Variants in NAALADL2 observed in about 807,000 individuals in gnomAD.
NAALADL2 encodes N-acetylated alpha-linked acidic dipeptidase like 2.
Under a neutral mutation model 87.2 loss-of-function variants are expected in NAALADL2, and 76 were observed. The ratio of observed to expected loss-of-function variants is 0.87; its 90% CI spans 0.72 to 1.05. The LOEUF (loss-of-function observed/expected upper bound fraction) is 1.05, where lower values mean the gene tolerates loss of function less well. NAALADL2 is among the 50% of genes least tolerant of loss of function. NAALADL2 has a pLI of 0.00. For synonymous variants in NAALADL2, 354 were observed against 331.0 expected, an observed-to-expected ratio of 1.07 and a Z score of -0.75; for missense variants, 1,089 against 945.8, an observed-to-expected ratio of 1.15 and a Z score of -1.99.
intron 11 of NAALADL2, chr3:175,718,224 G>GTTTTT: frequency 2.1e-5 from 4 of 191,550 alleles, no homozygotes; most frequent in South Asian, 1.2e-4. Context: ...TTTTTTTTTT[G>GTTTTT]ATTAGTTGCT....
At position 174,622,920 on chromosome 3, in the gene NAALADL2, A is replaced by G. The variant is rs370963389; in HGVS notation, c.-115+72283A>G. ...TAGCCAGGCGTGGTGGCAGGCACCTATAGTCCCAGCAACTGGGGAGGCTGA... is the reference window on the plus strand; with the variant it reads ...TAGCCAGGCGTGGTGGCAGGCACCTGTAGTCCCAGCAACTGGGGAGGCTGA... On this transcript the variant is annotated intron_variant, in intron 2 of 3. Transcript: ENST00000434257. Among the ~76,000 whole-genome samples the G allele has an allele frequency of 1.4e-3, 214 of 152,220 alleles. 1 individual carries two copies. The highest frequency in any genetic ancestry group is 4.8e-3 in the African/African-American group (198 of 41,554).
intron 1 of NAALADL2, among the ~76,000 whole-genome samples, chr3:174,462,784 G>C (rs1553769397): frequency 1.3e-5 from 2 of 152,180 alleles, no homozygotes; most frequent in Non-Finnish European, 2.9e-5. Flanking sequence ...ATGTTAATAA[G>C]AGTTAGAATT....
At chr3:175,214,501 A>C (rs1187360679) in intron 2 of NAALADL2, among the ~76,000 whole-genome samples, 1 of 152,100 alleles carries the variant, frequency 6.6e-6, no homozygotes, top group Non-Finnish European at 1.5e-5. Flanking sequence ...ATTTTGATAG[A>C]TCTATTCATG....
chr3:175,585,696 A>G (rs760021088), intron 10 of NAALADL2, among the ~76,000 whole-genome samples: 15 of 152,292 alleles, frequency 9.8e-5, no homozygotes, highest in Admixed American at 6.5e-4. Flanking sequence ...TGATAAAATC[A>G]ACCTACTCTA....
intron 9 of NAALADL2, among the ~76,000 whole-genome samples, chr3:175,559,161 A>T (rs1442165828): frequency 6.6e-6 from 1 of 152,010 alleles, no homozygotes; most frequent in Non-Finnish European, 1.5e-5. Flanking sequence ...ATAATAATTC[A>T]CAGATATTAA....
chr3:174,887,947 C>A (rs1441709285), intron 1 of NAALADL2, among the ~76,000 whole-genome samples: 3 of 151,666 alleles, frequency 2.0e-5, no homozygotes, highest in Non-Finnish European at 4.4e-5. Flanking sequence ...GAGATTATAT[C>A]AGCTGATGAT....
intron 3 of NAALADL2, among the ~76,000 whole-genome samples, chr3:174,798,081 G>C (rs983043626): frequency 6.6e-6 from 1 of 152,118 alleles, no homozygotes; most frequent in African/African-American, 2.4e-5. Context: ...TGCGGATATT[G>C]TTCCAGCAGA....
intron 2 of NAALADL2, chr3:174,550,676 C>A (rs1712016313): frequency 6.6e-6 from 1 of 151,820 alleles, no homozygotes; most frequent in Admixed American, 6.6e-5. Flanking sequence ...AGGATAAAGG[C>A]AGAGATTCAA....
chr3:174,478,723 G>GT (rs1404029047), intron 1 of NAALADL2, among the ~76,000 whole-genome samples: 1 of 151,874 alleles, frequency 6.6e-6, no homozygotes, highest in East Asian at 1.9e-4. Flanking sequence ...GTTTTGTTTT[G>GT]TTTTTTGAGA....
Position 175,627,308 on chromosome 3 carries a change from C to G in NAALADL2, c.1818C>G (p.Ser606=). The change falls in exon 11 of 14, where the codon TCC becomes TCG. Residue 606 remains serine (S), a synonymous_variant. Transcript: ENST00000454872. ...IKTLEGPSFL[S]EARFSTRATK... ...TGCCGCAGGGTCCAAGTTTTCTCTC[C>G]GAGGCCCGTTTTTCTACACGAGCAA... is the stretch of plus-strand genomic sequence containing the variant. 6.4e-7 allele frequency: 1 copy of G among 1,566,698 alleles called. No individual in the cohort carries two copies. The highest frequency in any genetic ancestry group is 8.7e-7 in the Non-Finnish European group (1 of 1,153,342).
At chr3:174,962,587 TGAA>T (rs944353121) in intron 1 of NAALADL2, among the ~76,000 whole-genome samples, 1 of 151,142 alleles carries the variant, frequency 6.6e-6, no homozygotes, top group African/African-American at 2.4e-5. Context: ...TAAAGAAAGG[TGAA>T]GGAGTGGGAT....
chr3:175,602,473 G>T (rs1229098469), intron 10 of NAALADL2, among the ~76,000 whole-genome samples: 20 of 149,296 alleles, frequency 1.3e-4, no homozygotes, highest in African/African-American at 4.6e-4. Context: ...TATATAGAGA[G>T]AGAGAGAGCG....
At chr3:175,175,286 A>G (rs1181229180) in intron 2 of NAALADL2, among the ~76,000 whole-genome samples, 7 of 152,046 alleles carry the variant, frequency 4.6e-5, no homozygotes, top group Non-Finnish European at 7.4e-5. Context: ...TTATTTTATT[A>G]GCCATAGTTT....
chr3:174,936,799 A>G (rs1472877088), intron 1 of NAALADL2, among the ~76,000 whole-genome samples: 1 of 152,146 alleles, frequency 6.6e-6, no homozygotes, highest in East Asian at 1.9e-4. Context: ...TTATTGGAAT[A>G]CAGTCACACC....
In NAALADL2 at chr3:175,353,817, C is replaced by T. The variant is rs74498015; in HGVS notation, c.1090+29492C>T. 2.4e-4 allele frequency among the ~76,000 whole-genome samples: 36 copies of T among 152,266 alleles called. No homozygotes were observed. In the East Asian group the frequency reaches 6.6e-3, roughly 28 times the overall value. ...TCACACTGTTTAGTGGATAAAAATA[C>T]TTTCAGTGTCTATGAGAGAAAGAGT... On this transcript the variant is annotated intron_variant, in intron 5 of 13. Transcript: ENST00000454872.
intron 10 of NAALADL2, among the ~76,000 whole-genome samples, chr3:175,594,437 C>T (rs78263247): frequency 0.026 from 4,016 of 152,168 alleles, 177 homozygotes; most frequent in African/African-American, 0.091. Context: ...TGCTTTCCAC[C>T]TCTTTGCTAT....
chr3:174,577,663 A>G (rs899603036), intron 2 of NAALADL2, among the ~76,000 whole-genome samples: 1 of 152,116 alleles, frequency 6.6e-6, no homozygotes, highest in African/African-American at 2.4e-5. Context: ...ATGCAAATCA[A>G]CCTCTTCAGA....
Position 174,892,379 on chromosome 3 carries a change from A to C in NAALADL2, c.43+32929A>C, listed in dbSNP as rs960939897. On this transcript the variant is annotated intron_variant, in intron 1 of 13. Transcript: ENST00000454872. ...CCGATAAATTAAACGAAGATATTGA[A>C]ATAATTAAAAAGAATGAAGCAGCAA... is the stretch of plus-strand genomic sequence containing the variant. Among the ~76,000 whole-genome samples, 3 of 152,324 alleles carry C rather than the reference A, an allele frequency of 2.0e-5. No individual in the cohort carries two copies. In the Middle Eastern group the frequency reaches 0.01, roughly 518 times the overall value.
At chr3:174,745,487 A>G (rs1734166778) in intron 3 of NAALADL2, among the ~76,000 whole-genome samples, 1 of 152,204 alleles carries the variant, frequency 6.6e-6, no homozygotes, top group Admixed American at 6.5e-5. Context: ...AGATGGATTT[A>G]CAGCAGAATT....
Sources: allele counts gnomAD v4.1 joint callset (sites outside exome capture counted in the v4.1 genomes callset), GRCh38; gene constraint gnomAD v4.1.1; transcripts MANE v1.5; gene names NCBI Gene and HGNC (gene_info 2026-07-23, HGNC 2026-07-21).